The following BOC variants were observed in gnomAD, a reference collection of about 807,000 sequenced individuals.
BOC encodes the protein brother of CDO.
BOC carries 76 observed loss-of-function variants against 112.0 expected under a neutral mutation model. The observed-to-expected ratio is 0.68, with a 90% confidence interval of 0.56 to 0.82. The LOEUF is 0.82. BOC is among the 40% of genes least tolerant of loss of function. BOC has a pLI of 0.00. For synonymous variants in BOC, 580 were observed against 599.8 expected (o/e 0.97, Z 0.48); for missense variants, 1,309 against 1,511.7 (o/e 0.87, Z 2.22).
At chr3:113,219,235 T>C (rs900746298) in intron 2 of BOC, among the ~76,000 whole-genome samples, 2 of 152,168 alleles carry the variant, frequency 1.3e-5, no homozygotes, top group African/African-American at 2.4e-5. Context: ...CCCCATCGCT[T>C]AGGGAATTAA....
At chr3:113,258,602 C>T (rs1946482868) in intron 4 of BOC, among the ~76,000 whole-genome samples, 2 of 152,162 alleles carry the variant, frequency 1.3e-5, no homozygotes, top group Non-Finnish European at 2.9e-5. Flanking sequence ...CCTGTACAAG[C>T]TTTTTGCTTT....
At chr3:113,252,898 G>T (rs1041546730) in intron 4 of BOC, among the ~76,000 whole-genome samples, 1 of 152,146 alleles carries the variant, frequency 6.6e-6, no homozygotes, top group Admixed American at 6.5e-5. Context: ...GTGCTTGTTG[G>T]GCGGGGGCTG....
intron 2 of BOC, among the ~76,000 whole-genome samples, chr3:113,224,734 A>C (rs914435873): frequency 1.2e-4 from 18 of 152,132 alleles, no homozygotes. Flanking sequence ...CAAGGCAGGC[A>C]GACCTCTTGA....
chr3:113,222,986 G>C (rs186296289), intron 2 of BOC, among the ~76,000 whole-genome samples: 1 of 152,242 alleles, frequency 6.6e-6, no homozygotes, highest in Non-Finnish European at 1.5e-5. Context: ...GCCACAGGCC[G>C]TGGAAGTAAG....
intron 2 of BOC, among the ~76,000 whole-genome samples, chr3:113,234,272 C>T (rs1248027966): frequency 2.6e-5 from 4 of 152,036 alleles, no homozygotes; most frequent in African/African-American, 9.7e-5. Flanking sequence ...TATAGATGAT[C>T]GAAAGGGGAA....
chr3:113,245,310 A>G (rs1195196602), intron 2 of BOC, among the ~76,000 whole-genome samples: 1 of 152,056 alleles, frequency 6.6e-6, no homozygotes, highest in African/African-American at 2.4e-5. Flanking sequence ...AATGCAGTGC[A>G]GTGCCTGTCA....
At chr3:113,246,827 C>T (rs1944975923) in intron 2 of BOC, among the ~76,000 whole-genome samples, 1 of 152,116 alleles carries the variant, frequency 6.6e-6, no homozygotes, top group African/African-American at 2.4e-5. Flanking sequence ...TGGATACCTG[C>T]ACCTTCTCAC....
At chr3:113,271,180 G>T in intron 6 of BOC, 1 of 685,946 alleles carries the variant, frequency 1.5e-6, no homozygotes, top group Non-Finnish European at 2.7e-6. Flanking sequence ...TGCCACACCT[G>T]CCTGATGGGA....
At chr3:113,269,541 A>T (rs1384930987) in intron 5 of BOC, 1 of 151,736 alleles carries the variant, frequency 6.6e-6, no homozygotes, top group African/African-American at 2.4e-5. Flanking sequence ...GAAAAAAAAT[A>T]TATATATATA....
chr3:113,272,458 C>T lies in BOC; in HGVS notation c.716C>T (p.Thr239Ile), dbSNP rs1444521059. The stretch of plus-strand genomic sequence containing the variant: ...ATCATCTACCCCCCAGAGGCCCAAA[C>T]CATCATCGTCACCAAAGGCCAGAGT... Reference protein sequence around the residue: ...ARIIYPPEAQTIIVTKGQSLI... With the variant: ...ARIIYPPEAQIIIVTKGQSLI... The change falls in exon 7 of 20, where the codon ACC becomes ATC. Residue 239 changes from threonine (T) to isoleucine (I), a missense_variant. By Grantham distance (89) the Thr-to-Ile change is moderately conservative (BLOSUM62 -1). Coordinates refer to ENST00000682979, the MANE Select transcript of BOC (RefSeq NM_001378074.1). 1.2e-6 allele frequency: 2 copies of T among 1,614,124 alleles called. No homozygotes were observed. Among genetic ancestry groups the T allele is most frequent in the South Asian group, 1.1e-5 (1 of 91,068 alleles).
intron 2 of BOC, among the ~76,000 whole-genome samples, chr3:113,247,363 GTAT>G (rs1945046032): frequency 6.6e-6 from 1 of 152,136 alleles, no homozygotes; most frequent in Admixed American, 6.5e-5. Context: ...ATTAAAGCAA[GTAT>G]CTGGAAAATT....
At chr3:113,268,248 C>G in intron 4 of BOC, 51 bp from the exon 5 acceptor site, 1 of 1,606,794 alleles carries the variant, frequency 6.2e-7, no homozygotes. Context: ...CCTGAAATGT[C>G]ACACTTTTGC....
intron 2 of BOC, among the ~76,000 whole-genome samples, chr3:113,245,646 G>A (rs1944826310): frequency 6.6e-6 from 1 of 152,154 alleles, no homozygotes. Context: ...CATGCAAAAT[G>A]AAAAGTAACT....
chr3:113,259,502 G>A (rs1020319592), intron 4 of BOC, among the ~76,000 whole-genome samples: 6 of 152,174 alleles, frequency 3.9e-5, no homozygotes, highest in Non-Finnish European at 2.9e-5. Flanking sequence ...AACCAAGAGA[G>A]CAAATGAGTC....
At chr3:113,280,935 C>A in intron 14 of BOC, 96 bp from the exon 15 acceptor site, 1 of 1,519,018 alleles carries the variant, frequency 6.6e-7, no homozygotes, top group Non-Finnish European at 9.0e-7. Context: ...TGGCATCCTC[C>A]CCCACACACT....
chr3:113,220,923 A>G (rs551479650), intron 2 of BOC, among the ~76,000 whole-genome samples: 1 of 152,350 alleles, frequency 6.6e-6, no homozygotes, highest in East Asian at 1.9e-4. Flanking sequence ...AACAGAAGTC[A>G]GGAATGAATC....
chr3:113,221,337 G>A (rs576259921), intron 2 of BOC, among the ~76,000 whole-genome samples: 1 of 152,206 alleles, frequency 6.6e-6, no homozygotes, highest in Non-Finnish European at 1.5e-5. Flanking sequence ...CACTGGCTCA[G>A]GGTTTACGGA....
chr3:113,236,705 C>A lies in BOC; in HGVS notation c.-81-13017C>A, dbSNP rs1943612382. On this transcript the variant is annotated intron_variant, in intron 2 of 19. Transcript: ENST00000682979. Reference sequence around the variant, plus strand: ...TAAAAATTTTTAAATAAAAGATGAGCAATGAACATTTTTTTAAAAAATGGA... The same window carrying A: ...TAAAAATTTTTAAATAAAAGATGAGAAATGAACATTTTTTTAAAAAATGGA... 2.0e-5 allele frequency among the ~76,000 whole-genome samples: 3 copies of A among 152,032 alleles called. No individual in the cohort carries two copies. In the South Asian group the frequency reaches 6.2e-4, roughly 32 times the overall value.
intron 9 of BOC, among the ~76,000 whole-genome samples, chr3:113,277,572 G>C (rs1406272553): frequency 6.6e-6 from 1 of 152,152 alleles, no homozygotes; most frequent in African/African-American, 2.4e-5. Context: ...CCAATCTTTT[G>C]GGCTATTTTG....
Sources: gnomAD v4.1 joint callset for allele counts (sites outside exome capture counted in the v4.1 genomes callset) on GRCh38, gnomAD v4.1.1 for gene constraint, MANE v1.5 for transcripts, NCBI Gene and HGNC (gene_info 2026-07-23, HGNC 2026-07-21) for gene names.